Variants in KHDC4 observed in about 807,000 individuals in gnomAD.
The protein encoded by KHDC4 is KH domain containing 4, pre-mRNA splicing factor.
Under a neutral mutation model 74.5 loss-of-function variants are expected in KHDC4, and 19 were observed. The ratio of observed to expected loss-of-function variants is 0.26; its 90% confidence interval spans 0.18 to 0.37. The LOEUF (loss-of-function observed/expected upper bound fraction) is 0.37, where lower values mean the gene tolerates loss of function less well. Among genes scored for constraint, KHDC4 ranks in the 10% least tolerant of loss-of-function variants. The pLI is 1.00. For synonymous variants in KHDC4, 253 were observed against 266.1 expected (o/e 0.95, Z 0.48); for missense variants, 632 against 754.1 (o/e 0.84, Z 1.90).
rs1673872450 is a variant in KHDC4, at chr1:155,921,913, A to G, written c.960T>C (p.His320=). 16 of 1,606,086 alleles carry G rather than the reference A, an allele frequency of 1.0e-5. No homozygotes were observed. Among genetic ancestry groups the G allele is most frequent in the Non-Finnish European group, 1.4e-5 (16 of 1,173,440 alleles). Residue 320 remains histidine (H), a synonymous_variant, in exon 9 of 14, where the codon CAT becomes CAC. Coordinates refer to ENST00000368321, the MANE Select transcript of KHDC4 (RefSeq NM_014949.4). ...KLCENLLQTV[H]AEYSRFVNQI... is the part of the protein sequence containing the mutation. The stretch of plus-strand genomic sequence containing the variant: ...GATTCACAAATCTAGAGTATTCAGC[A>G]TGAACCTGAAAGAGAGGGGGAAACA...
rs779297549 is a variant in KHDC4 at position 155,923,597 on chromosome 1, C to G, written c.954+30G>C. ...ATACTCCAAAATGGCAATTGCTCTT[C>G]TGAATGAGTATCAGACAAATACAAC... On this transcript the variant is annotated intron_variant, in intron 8 of 13. Transcript: ENST00000368321. The G allele has an allele frequency of 2.6e-6, 4 of 1,565,174 alleles. No individual in the cohort carries two copies. In the Admixed American group the frequency reaches 6.7e-5, roughly 26 times the overall value.
At position 155,934,381 on chromosome 1, in the gene KHDC4, G is replaced by T. The variant is rs749460932; in HGVS notation, c.-8C>A. 2.5e-6 allele frequency: 4 copies of T among 1,611,702 alleles called. No individual in the cohort carries two copies. Among genetic ancestry groups the T allele is most frequent in the Admixed American group, 1.7e-5 (1 of 59,974 alleles). ...CGCGCTCCCCGCGGACATGGCGACC[G>T]CTTCTACTCAACCACCCGCCAACTA... On this transcript the variant is annotated 5_prime_UTR_variant, in exon 1 of 14. Transcript: ENST00000368321.
intron 4 of KHDC4, among the ~76,000 whole-genome samples, chr1:155,927,553 C>T (rs1281892701): frequency 1.3e-5 from 2 of 151,952 alleles, no homozygotes; most frequent in Non-Finnish European, 2.9e-5. Context: ...GTCTGTAATC[C>T]CAGCACTTTG....
In KHDC4 at chr1:155,916,649, G is replaced by A; in HGVS notation, c.1529C>T (p.Ser510Leu). The A allele has an allele frequency of 6.2e-7, 1 of 1,613,066 alleles. No individual in the cohort carries two copies. The highest frequency in any genetic ancestry group is 8.5e-7 in the Non-Finnish European group (1 of 1,179,526). The change falls in exon 12 of 14, where the codon TCA (serine) becomes TTA (leucine). Residue 510 changes from serine to leucine, a missense_variant. Physicochemically the swap from Ser to Leu is moderately radical, Grantham distance 145. This residue lies in a region of KHDC4 where 254 missense variants were observed against 267.4 expected (regional missense o/e 0.95). Transcript: ENST00000368321. Reference protein sequence around the residue: ...EGAGSKPASSSGKERERDRQL... With the variant: ...EGAGSKPASSLGKERERDRQL... ...CCTGTCCCTCTCTCTCTCTTTGCCTGAGGAACTTGCTGGCTTCGATCCTGC... is the reference window on the plus strand; with the variant it reads ...CCTGTCCCTCTCTCTCTCTTTGCCTAAGGAACTTGCTGGCTTCGATCCTGC...
Position 155,914,586 on chromosome 1 carries a change from G to A in KHDC4, c.1646-266C>T, listed in dbSNP as rs1572002754. 2.3e-5 allele frequency: 9 copies of A among 396,476 alleles called. No homozygotes were observed. The East Asian group carries it at 3.4e-4, about 15-fold the overall frequency. The allele number at this position is 396,476 out of a possible 1,614,324, so 24.6% of individuals were successfully genotyped here. ...AAAAAAGAAAAAAAAAGAAAAAAAG[G>A]AAAGTTAGCAAGTGAGTCTCTTGAG... On this transcript the variant is annotated intron_variant, in intron 13 of 13. Coordinates refer to ENST00000368321, the MANE Select transcript of KHDC4 (RefSeq NM_014949.4).
rs896913951 is a variant in KHDC4, at chr1:155,913,497, G to A, written c.*624C>T. 11 of 152,552 alleles carry A rather than the reference G, an allele frequency of 7.2e-5. No individual in the cohort carries two copies. The highest frequency in any genetic ancestry group is 2.6e-4 in the African/African-American group (11 of 41,572). 9.4% of individuals were successfully genotyped at this position (152,552 alleles called of 1,614,324 possible). ...GGCTATGAGACCAATGTGCCTGAAG[G>A]TGCCAGCTTTGGATCACCCCAATTA... On this transcript the variant is annotated 3_prime_UTR_variant, in exon 14 of 14. Coordinates refer to ENST00000368321, the MANE Select transcript of KHDC4 (RefSeq NM_014949.4).
chr1:155,929,411 A>C, intron 3 of KHDC4, 36 bp from the exon 4 acceptor site: 1 of 1,538,950 alleles, frequency 6.5e-7, no homozygotes, highest in Non-Finnish European at 9.0e-7. Context: ...AAAATGTGGC[A>C]ATTGGTTGAT....
rs188703027 is a variant in KHDC4, at chr1:155,914,043, C to T, written c.*78G>A. The T allele has an allele frequency of 3.1e-5, 39 of 1,263,550 alleles. No individual in the cohort carries two copies. The African/African-American group carries it at 4.6e-4, about 15-fold the overall frequency. The allele number at this position is 1,263,550 out of a possible 1,614,324, so 78.3% of individuals were successfully genotyped here. A position where few individuals can be genotyped will look rare whatever the true frequency, so the allele number is the denominator to read the frequency against. ...GTCCAGATGGTTCCCAGCACAGGCC[C>T]CAGAGTCTTGTTAAATCAAATGCAT... On this transcript the variant is annotated 3_prime_UTR_variant, in exon 14 of 14. Coordinates refer to ENST00000368321, the MANE Select transcript of KHDC4 (RefSeq NM_014949.4).
chr1:155,926,514 C>T lies in KHDC4; in HGVS notation c.681+162G>A, dbSNP rs947015984. Reference sequence around the variant, plus strand: ...CCGGGTAATGTTCGTGACGGGGTTTCACCACGTTGGTCAGGCTGGTCCAAA... The same window carrying T: ...CCGGGTAATGTTCGTGACGGGGTTTTACCACGTTGGTCAGGCTGGTCCAAA... On this transcript the variant is annotated intron_variant, in intron 6 of 13. Transcript: ENST00000368321. 1.4e-5 allele frequency: 10 copies of T among 696,576 alleles called. No individual in the cohort carries two copies. The African/African-American group carries it at 1.8e-4, about 12-fold the overall frequency. The allele number at this position is 696,576 out of a possible 1,614,324, so 43.1% of individuals were successfully genotyped here. A position where few individuals can be genotyped will look rare whatever the true frequency, so the allele number is the denominator to read the frequency against.
chr1:155,926,465 G>C (rs1674000780), intron 6 of KHDC4: 1 of 546,544 alleles, frequency 1.8e-6, no homozygotes, highest in African/African-American at 1.9e-5. Flanking sequence ...AAGTAGCTGG[G>C]GTTACAGGTG....
intron 13 of KHDC4, chr1:155,915,595 C>A (rs939185269): frequency 3.0e-5 from 12 of 395,952 alleles, no homozygotes; most frequent in Non-Finnish European, 4.9e-5. Context: ...GCAACCTCTG[C>A]CTCCCAGGTT....
At chr1:155,931,209 C>T (rs1674133584) in intron 2 of KHDC4, among the ~76,000 whole-genome samples, 1 of 146,088 alleles carries the variant, frequency 6.8e-6, no homozygotes, top group African/African-American at 2.5e-5. Flanking sequence ...GTAGTCTCAG[C>T]TACTCAGCAG....
At chr1:155,923,001 C>A (rs1032964647) in intron 8 of KHDC4, among the ~76,000 whole-genome samples, 15 of 151,966 alleles carry the variant, frequency 9.9e-5, no homozygotes, top group South Asian at 2.1e-4. Flanking sequence ...GTCAGGAGAT[C>A]GAGACCATCC....
At chr1:155,923,723 A>G in intron 7 of KHDC4, 36 bp from the exon 8 acceptor site, 1 of 1,493,452 alleles carries the variant, frequency 6.7e-7, no homozygotes, top group Non-Finnish European at 9.3e-7. Context: ...AAGGAGAGAA[A>G]AATAAATAAA....
intron 6 of KHDC4, chr1:155,926,325 C>CTTTTTTTTTT (rs34342755): frequency 1.4e-4 from 24 of 175,474 alleles, no homozygotes; most frequent in Admixed American, 4.0e-4. Flanking sequence ...TTACTTGGCA[C>CTTTTTTTTTT]TTTTTTTTTT....
rs541576609 is a variant in KHDC4, at chr1:155,930,256, C to T, written c.256-416G>A. Among the ~76,000 whole-genome samples, 4 of 152,300 alleles carry T rather than the reference C, an allele frequency of 2.6e-5. No individual in the cohort carries two copies. In the East Asian group the frequency reaches 5.8e-4, roughly 22 times the overall value. On this transcript the variant is annotated intron_variant, in intron 2 of 13. Transcript: ENST00000368321. ...CATCCAATGTACAACTATCCTTTCCCAAGTCCCACACCTCCCTACCCTTCC... is the reference window on the plus strand; with the variant it reads ...CATCCAATGTACAACTATCCTTTCCTAAGTCCCACACCTCCCTACCCTTCC...
At chr1:155,920,538 T>C (rs1439829816) in intron 10 of KHDC4, among the ~76,000 whole-genome samples, 12 of 152,196 alleles carry the variant, frequency 7.9e-5, no homozygotes, top group Middle Eastern at 3.2e-3. Context: ...TCTTACATAA[T>C]GTTGCTTTTT....
At chr1:155,926,007 C>T (rs766566504) in intron 6 of KHDC4, 164 bp from the exon 7 acceptor site, 7 of 770,458 alleles carry the variant, frequency 9.1e-6, no homozygotes, top group Non-Finnish European at 1.4e-5. Flanking sequence ...GTGAAGGCTG[C>T]TCTCTCCAAC....
At chr1:155,933,565 T>TAA (rs2102611912) in intron 2 of KHDC4, 68 bp downstream of exon 2, 1 of 1,323,078 alleles carries the variant, frequency 7.6e-7, no homozygotes, top group East Asian at 2.5e-5. Context: ...ATTACAGGCG[T>TAA]AAGCCACCGC....
Sources: allele counts gnomAD v4.1 joint callset (sites outside exome capture counted in the v4.1 genomes callset), GRCh38; gene constraint gnomAD v4.1.1; regional missense constraint gnomAD v4.1.1; transcripts MANE v1.5; gene names NCBI Gene and HGNC (gene_info 2026-07-23, HGNC 2026-07-21).